Variants in NPAS3 observed in about 807,000 individuals in gnomAD.
The protein encoded by NPAS3 is neuronal PAS domain-containing protein 3.
A neutral mutation model predicts 73.1 loss-of-function variants in NPAS3; 14 were observed. The observed-to-expected ratio is 0.19, with a 90% CI of 0.13 to 0.30. The LOEUF (loss-of-function observed/expected upper bound fraction) is 0.30, where lower values mean the gene tolerates loss of function less well. Ranked by LOEUF, NPAS3 falls within the 10% of genes least tolerant of loss-of-function variation. The probability of loss-of-function intolerance (pLI) is 1.00; values close to 1 mark genes in which losing one functional copy is unlikely to be tolerated. For synonymous variants in NPAS3, 620 were observed against 541.5 expected, an observed-to-expected ratio of 1.14 and a Z score of -2.01; for missense variants, 1,096 against 1,250.0, an observed-to-expected ratio of 0.88 and a Z score of 1.86.
chr14:33,793,795 C>A, intron 9 of NPAS3, 102 bp from the exon 10 acceptor site: 2 of 1,095,570 alleles, frequency 1.8e-6, no homozygotes, highest in Non-Finnish European at 2.6e-6. Context: ...TGGTGTAGGT[C>A]CTCCCATTTT....
At chr14:33,495,546 T>C (rs751963494) in intron 4 of NPAS3, among the ~76,000 whole-genome samples, 7 of 152,106 alleles carry the variant, frequency 4.6e-5, no homozygotes, top group Non-Finnish European at 8.8e-5. Context: ...TTCTGACTCA[T>C]TGATCTGTCT....
intron 2 of NPAS3, among the ~76,000 whole-genome samples, chr14:33,204,691 G>A (rs931797083): frequency 3.3e-5 from 5 of 152,022 alleles, no homozygotes; most frequent in African/African-American, 7.2e-5. Flanking sequence ...TTGGGATTCC[G>A]AGGGGACCAT....
At chr14:33,666,693 AAAGTGGACTGT>A (rs1169005895) in intron 5 of NPAS3, among the ~76,000 whole-genome samples, 1 of 152,170 alleles carries the variant, frequency 6.6e-6, no homozygotes, top group African/African-American at 2.4e-5. Flanking sequence ...TTCTCTCTCC[AAAGTGGACTGT>A]AAGCTACATG....
intron 5 of NPAS3, among the ~76,000 whole-genome samples, chr14:33,652,507 G>T (rs1266128999): frequency 6.6e-6 from 1 of 152,124 alleles, no homozygotes; most frequent in Non-Finnish European, 1.5e-5. Context: ...CCTTGTGATG[G>T]GCTGGCCTAG....
intron 2 of NPAS3, among the ~76,000 whole-genome samples, chr14:33,190,387 A>G (rs921343391): frequency 2.6e-5 from 4 of 152,250 alleles, no homozygotes; most frequent in Non-Finnish European, 5.9e-5. Context: ...CACAAGAAAC[A>G]ATCCACAATA....
At chr14:32,970,804 C>T (rs575957269) in intron 1 of NPAS3, among the ~76,000 whole-genome samples, 1 of 152,108 alleles carries the variant, frequency 6.6e-6, no homozygotes, top group Non-Finnish European at 1.5e-5. Flanking sequence ...GTGTGTGTGT[C>T]TGTAACACAT....
chr14:33,124,335 A>G (rs1595498839), intron 2 of NPAS3, among the ~76,000 whole-genome samples: 1 of 152,264 alleles, frequency 6.6e-6, no homozygotes, highest in African/African-American at 2.4e-5. Context: ...GCAGCGTAGC[A>G]TAACAGGTAA....
At chr14:33,280,192 G>T (rs996521800) in intron 3 of NPAS3, among the ~76,000 whole-genome samples, 1 of 151,980 alleles carries the variant, frequency 6.6e-6, no homozygotes, top group Non-Finnish European at 1.5e-5. Context: ...ATTTATTCCA[G>T]TGTAATTATA....
chr14:33,545,404 ATG>A (rs1438302411), intron 4 of NPAS3, among the ~76,000 whole-genome samples: 1 of 152,178 alleles, frequency 6.6e-6, no homozygotes, highest in East Asian at 1.9e-4. Context: ...CTGCTGTACG[ATG>A]ACACTTTTAC....
intron 6 of NPAS3, among the ~76,000 whole-genome samples, chr14:33,716,274 G>A (rs1025492795): frequency 1.3e-5 from 2 of 152,148 alleles, no homozygotes; most frequent in South Asian, 2.1e-4. Flanking sequence ...TCCAGCTACT[G>A]TTTCGTCTTA....
intron 4 of NPAS3, among the ~76,000 whole-genome samples, chr14:33,481,626 G>C (rs547648425): frequency 1.3e-5 from 2 of 152,186 alleles, no homozygotes; most frequent in South Asian, 4.2e-4. Context: ...ACAACATTAT[G>C]CAAGAGGTTG....
chr14:32,962,580 T>C (rs1176458851), intron 1 of NPAS3, among the ~76,000 whole-genome samples: 1 of 143,330 alleles, frequency 7.0e-6, no homozygotes, highest in Non-Finnish European at 1.5e-5. Context: ...TTTTTTTTTT[T>C]TTTTTTTTTG....
intron 3 of NPAS3, among the ~76,000 whole-genome samples, chr14:33,226,920 A>G (rs2047658086): frequency 6.6e-6 from 1 of 152,234 alleles, no homozygotes; most frequent in African/African-American, 2.4e-5. Context: ...TTATATAAAT[A>G]CTTTAAAATA....
intron 2 of NPAS3, among the ~76,000 whole-genome samples, chr14:33,132,266 A>C (rs2043666696): frequency 6.6e-6 from 1 of 152,126 alleles, no homozygotes; most frequent in South Asian, 2.1e-4. Flanking sequence ...AAAGAGGCTA[A>C]AGTTGAGTGC....
At chr14:33,411,603 T>A (rs2047931890) in intron 4 of NPAS3, among the ~76,000 whole-genome samples, 1 of 152,214 alleles carries the variant, frequency 6.6e-6, no homozygotes, top group Non-Finnish European at 1.5e-5. Context: ...TTTTCCAGTT[T>A]AAAATGTCAA....
intron 1 of NPAS3, among the ~76,000 whole-genome samples, chr14:33,036,810 G>C (rs1199538393): frequency 6.6e-6 from 1 of 152,152 alleles, no homozygotes; most frequent in East Asian, 1.9e-4. Flanking sequence ...AGGTACCTGA[G>C]TTGAACAAAT....
intron 4 of NPAS3, among the ~76,000 whole-genome samples, chr14:33,422,315 A>G (rs2048388045): frequency 6.6e-6 from 1 of 151,998 alleles, no homozygotes; most frequent in Non-Finnish European, 1.5e-5. Flanking sequence ...GGATAGGTAA[A>G]GATGGCAGTG....
At chr14:33,482,386 C>T (rs1192562696) in intron 4 of NPAS3, among the ~76,000 whole-genome samples, 1 of 152,096 alleles carries the variant, frequency 6.6e-6, no homozygotes, top group Non-Finnish European at 1.5e-5. Context: ...ATCGTATATA[C>T]ACTTCAGCTT....
chr14:33,170,173 A>G (rs1335590267), intron 2 of NPAS3, among the ~76,000 whole-genome samples: 1 of 152,238 alleles, frequency 6.6e-6, no homozygotes, highest in Non-Finnish European at 1.5e-5. Flanking sequence ...AGACTACTAC[A>G]ATAAAACGAA....
Sources: allele counts gnomAD v4.1 joint callset (sites outside exome capture counted in the v4.1 genomes callset), GRCh38; gene constraint gnomAD v4.1.1; transcripts MANE v1.5; gene names NCBI Gene and HGNC (gene_info 2026-07-23, HGNC 2026-07-21).